Variants in SMOC1 observed in about 807,000 individuals in gnomAD.
SMOC1 encodes the protein SPARC-related modular calcium-binding protein 1.
Under a neutral mutation model 56.3 loss-of-function variants are expected in SMOC1, and 22 were observed. That is an observed-to-expected ratio of 0.39 (90% CI 0.28 to 0.56). SMOC1 has a LOEUF of 0.56. SMOC1 is among the 20% of genes least tolerant of loss of function. SMOC1 has a pLI of 0.61. For synonymous variants in SMOC1, 193 were observed against 215.0 expected (o/e 0.90, Z 0.89); for missense variants, 509 against 565.4 (o/e 0.90, Z 1.01).
intron 11 of SMOC1, among the ~76,000 whole-genome samples, chr14:70,028,167 C>A (rs543348681): frequency 3.9e-5 from 6 of 152,334 alleles, no homozygotes; most frequent in African/African-American, 1.4e-4. Flanking sequence ...GAGCTGAATT[C>A]TCTGCATAAC....
At chr14:69,992,151 G>A (rs190774064) in intron 5 of SMOC1, among the ~76,000 whole-genome samples, 4 of 152,272 alleles carry the variant, frequency 2.6e-5, no homozygotes, top group African/African-American at 9.6e-5. Flanking sequence ...GTGAGAAACG[G>A]TCCCCCAAAG....
intron 1 of SMOC1, among the ~76,000 whole-genome samples, chr14:69,924,641 T>G (rs879397201): frequency 2.7e-5 from 4 of 145,464 alleles, no homozygotes; most frequent in Non-Finnish European, 6.1e-5. Context: ...GGTAGAGGAG[T>G]TAGGGAGGTA....
chr14:69,917,338 T>G (rs1276969347), intron 1 of SMOC1, among the ~76,000 whole-genome samples: 1 of 152,252 alleles, frequency 6.6e-6, no homozygotes, highest in Non-Finnish European at 1.5e-5. Context: ...ACGGAGCCTG[T>G]GTGCCTGAGC....
At chr14:69,975,869 T>A (rs1883932403) in intron 4 of SMOC1, 55 bp downstream of exon 4, 1 of 1,281,168 alleles carries the variant, frequency 7.8e-7, no homozygotes, top group Non-Finnish European at 1.1e-6. Flanking sequence ...ACCCGTTGGT[T>A]GGTCTCCTGC....
intron 5 of SMOC1, among the ~76,000 whole-genome samples, chr14:69,985,488 A>G (rs998215212): frequency 4.6e-5 from 5 of 108,466 alleles, no homozygotes; most frequent in African/African-American, 1.2e-4. Flanking sequence ...CTGAAAGTAG[A>G]AAAAAAACCC....
chr14:69,892,218 G>T (rs966156733), intron 1 of SMOC1, among the ~76,000 whole-genome samples: 2 of 152,206 alleles, frequency 1.3e-5, no homozygotes, highest in Non-Finnish European at 2.9e-5. Flanking sequence ...AATTTCTAGA[G>T]ACTTGGGTTG....
chr14:69,886,320 A>T (rs1037662720), intron 1 of SMOC1, among the ~76,000 whole-genome samples: 1 of 152,206 alleles, frequency 6.6e-6, no homozygotes, highest in African/African-American at 2.4e-5. Flanking sequence ...AAATGAACAA[A>T]TCTGCAAGCC....
At chr14:69,984,188 A>G (rs1884279740) in intron 5 of SMOC1, among the ~76,000 whole-genome samples, 1 of 152,246 alleles carries the variant, frequency 6.6e-6, no homozygotes, top group Non-Finnish European at 1.5e-5. Flanking sequence ...ATGGTGCTCT[A>G]GCAATTGGAC....
intron 7 of SMOC1, among the ~76,000 whole-genome samples, chr14:70,000,596 A>G (rs1884932661): frequency 6.6e-6 from 1 of 152,198 alleles, no homozygotes; most frequent in African/African-American, 2.4e-5. Flanking sequence ...CCTTGGGGGA[A>G]AAGTTAAAAA....
chr14:70,006,981 G>A (rs775872834), intron 7 of SMOC1, among the ~76,000 whole-genome samples: 11 of 152,224 alleles, frequency 7.2e-5, no homozygotes, highest in Admixed American at 2.0e-4. Flanking sequence ...CAGAGTCCAC[G>A]TGGAGGGGTC....
At position 69,995,999 on chromosome 14, in the gene SMOC1, T is replaced by G. The variant is rs762729387; in HGVS notation, c.664+1519T>G. On this transcript the variant is annotated intron_variant, in intron 7 of 11. Coordinates refer to ENST00000361956, the MANE Select transcript of SMOC1 (RefSeq NM_001034852.3). ...GTAACATTTGCAACTGGTCTCCTAG[T>G]CCCTGAGGCCCTGGAAGGTCTGCAA... Among the ~76,000 whole-genome samples, 170 of 152,144 alleles carry G rather than the reference T, an allele frequency of 1.1e-3. 8 individuals are homozygous for G. The highest frequency in any genetic ancestry group is 7.1e-4 in the Non-Finnish European group (48 of 68,022).
chr14:69,932,244 C>T (rs770059639), intron 1 of SMOC1, among the ~76,000 whole-genome samples: 49 of 152,236 alleles, frequency 3.2e-4, no homozygotes, highest in Non-Finnish European at 6.5e-4. Flanking sequence ...GGCACAGCCC[C>T]TGAACAGGAA....
intron 2 of SMOC1, among the ~76,000 whole-genome samples, chr14:69,952,817 T>A (rs1179068422): frequency 6.6e-6 from 1 of 152,256 alleles, no homozygotes; most frequent in Non-Finnish European, 1.5e-5. Context: ...TAGACCTGCA[T>A]AACAGCTACC....
intron 3 of SMOC1, among the ~76,000 whole-genome samples, chr14:69,969,836 C>T (rs1312431944): frequency 2.6e-5 from 4 of 152,190 alleles, no homozygotes; most frequent in Non-Finnish European, 4.4e-5. Context: ...ACACCTTTAT[C>T]CCTCATTATT....
At chr14:69,971,277 C>T (rs539198396) in intron 3 of SMOC1, among the ~76,000 whole-genome samples, 1 of 152,338 alleles carries the variant, frequency 6.6e-6, no homozygotes, top group South Asian at 2.1e-4. Context: ...CTCGGCCTCC[C>T]AAAGTGCTGG....
chr14:70,024,254 T>A (rs1228116144), intron 11 of SMOC1, among the ~76,000 whole-genome samples: 1 of 152,102 alleles, frequency 6.6e-6, no homozygotes, highest in East Asian at 1.9e-4. Context: ...TGCAGAGCAT[T>A]GTAGCAACAT....
chr14:69,899,256 C>G (rs550189599), intron 1 of SMOC1, among the ~76,000 whole-genome samples: 55 of 152,326 alleles, frequency 3.6e-4, no homozygotes, highest in Middle Eastern at 3.4e-3. Flanking sequence ...ATCTGTGTCT[C>G]TACCCGAGTT....
intron 3 of SMOC1, among the ~76,000 whole-genome samples, chr14:69,970,010 G>C (rs563576120): frequency 1.3e-5 from 2 of 152,198 alleles, no homozygotes; most frequent in Admixed American, 1.3e-4. Flanking sequence ...ATTGGTAGGA[G>C]AGTGAAAGAA....
At chr14:70,011,666 A>G in intron 9 of SMOC1, 99 bp downstream of exon 9, 1 of 1,135,392 alleles carries the variant, frequency 8.8e-7, no homozygotes, top group East Asian at 2.4e-5. Flanking sequence ...CTGTTTCCCC[A>G]TGTGTAAGAT....
Sources: gnomAD v4.1 joint callset for allele counts (sites outside exome capture counted in the v4.1 genomes callset) on GRCh38, gnomAD v4.1.1 for gene constraint, MANE v1.5 for transcripts, NCBI Gene and HGNC (gene_info 2026-07-23, HGNC 2026-07-21) for gene names.